The following ESR1 variants were observed in gnomAD, a reference collection of about 807,000 sequenced individuals.
ESR1 encodes estrogen receptor 1, also known as estrogen receptor.
Under a neutral mutation model 52.7 loss-of-function variants are expected in ESR1, and 12 were observed. The ratio of observed to expected loss-of-function variants is 0.23; its 90% confidence interval spans 0.15 to 0.37. ESR1 has a LOEUF of 0.37. Ranked by LOEUF, ESR1 falls within the 10% of genes least tolerant of loss-of-function variation. The pLI, the probability that ESR1 is intolerant of heterozygous loss-of-function variation, is 1.00. For synonymous variants in ESR1, 305 were observed against 316.8 expected (o/e 0.96, Z 0.39); for missense variants, 584 against 779.7 (o/e 0.75, Z 2.99).
At chr6:152,078,280 A>G (rs557865751) in intron 6 of ESR1, among the ~76,000 whole-genome samples, 1 of 152,308 alleles carries the variant, frequency 6.6e-6, no homozygotes, top group African/African-American at 2.4e-5. Flanking sequence ...ATAAGGAAGA[A>G]GTATACTTGC....
upstream of ESR1, chr6:151,805,233 TG>T (rs1254376089): frequency 6.6e-6 from 1 of 152,270 alleles, no homozygotes; most frequent in African/African-American, 2.4e-5. Flanking sequence ...GTTCAGAGAC[TG>T]GGGGCTAGGG....
chr6:152,125,246 A>T, intron 6 of ESR1: 1 of 1,549,288 alleles, frequency 6.5e-7, no homozygotes, highest in African/African-American at 1.4e-5. Context: ...ATGGTAATTC[A>T]GGTCGTATTC....
At chr6:151,838,491 A>T (rs9383593) in intron 1 of ESR1, among the ~76,000 whole-genome samples, 70,568 of 151,932 alleles carry the variant, frequency 0.46, 16,723 homozygotes, top group African/African-American at 0.54. Context: ...CTGCCCATGG[A>T]TGGGCTGTGT....
At chr6:151,801,302 T>A (rs2128142387), upstream of ESR1, among the ~76,000 whole-genome samples, 3 of 152,324 alleles carry the variant, frequency 2.0e-5, 1 homozygote, top group South Asian at 6.2e-4. Context: ...ACTTTCTACA[T>A]TGTCTTCTAT....
At chr6:151,905,445 C>T (rs1360128061) in intron 3 of ESR1, among the ~76,000 whole-genome samples, 3 of 152,088 alleles carry the variant, frequency 2.0e-5, no homozygotes, top group Non-Finnish European at 2.9e-5. Context: ...TTCTAAATTA[C>T]ATGAAGAGCT....
intron 1 of ESR1, among the ~76,000 whole-genome samples, chr6:151,821,407 C>A (rs1189762142): frequency 1.3e-5 from 2 of 152,180 alleles, no homozygotes; most frequent in South Asian, 4.1e-4. Flanking sequence ...TTTGTCGAGT[C>A]GGTGTTAGTT....
intron 1 of ESR1, among the ~76,000 whole-genome samples, chr6:151,816,489 A>G (rs953022571): frequency 1.3e-5 from 2 of 152,218 alleles, no homozygotes; most frequent in Non-Finnish European, 2.9e-5. Flanking sequence ...CCTGGCACAT[A>G]ACAAGTCATT....
intron 1 of ESR1, among the ~76,000 whole-genome samples, chr6:151,830,677 C>T (rs149136993): frequency 4.6e-5 from 7 of 152,190 alleles, no homozygotes; most frequent in Non-Finnish European, 8.8e-5. Context: ...TAGTAACTGA[C>T]AAAAGATAAA....
intron 4 of ESR1, among the ~76,000 whole-genome samples, chr6:152,007,139 C>CT (rs2042395824): frequency 1.3e-5 from 2 of 151,990 alleles, no homozygotes; most frequent in Admixed American, 1.3e-4. Flanking sequence ...TTCTAAGAGC[C>CT]TTGCCACACT....
At chr6:151,910,113 G>A (rs547904863) in intron 3 of ESR1, among the ~76,000 whole-genome samples, 1 of 151,490 alleles carries the variant, frequency 6.6e-6, no homozygotes, top group Admixed American at 6.6e-5. Context: ...GTGTGACACT[G>A]TCTGATAGAA....
chr6:151,700,258 A>G (rs1779670114), intron 1 of ESR1, among the ~76,000 whole-genome samples: 1 of 152,132 alleles, frequency 6.6e-6, no homozygotes, highest in Non-Finnish European at 1.5e-5. Flanking sequence ...TACATGGAGA[A>G]AACAAGTCTT....
intron 4 of ESR1, among the ~76,000 whole-genome samples, chr6:152,010,385 A>G (rs1299143747): frequency 6.6e-6 from 1 of 152,074 alleles, no homozygotes; most frequent in Admixed American, 6.6e-5. Flanking sequence ...TTCATGAGAG[A>G]AAAAGAAAAG....
At chr6:151,960,976 A>G (rs1584489580) in intron 4 of ESR1, among the ~76,000 whole-genome samples, 1 of 152,332 alleles carries the variant, frequency 6.6e-6, no homozygotes, top group East Asian at 1.9e-4. Flanking sequence ...GTCCTGAACA[A>G]TGATAAAAGT....
At chr6:151,884,309 T>C (rs1330277052) in intron 3 of ESR1, among the ~76,000 whole-genome samples, 1 of 152,218 alleles carries the variant, frequency 6.6e-6, no homozygotes, top group Admixed American at 6.5e-5. Flanking sequence ...TCCCATTGAA[T>C]AAAGCCTTAA....
rs535300778 is a variant in ESR1 at position 152,093,249 on chromosome 6, T to C, written c.1370-1136T>C. 2.7e-5 allele frequency among the ~76,000 whole-genome samples: 4 copies of C among 147,480 alleles called. No homozygotes were observed. The South Asian group carries it at 8.6e-4, about 32-fold the overall frequency. ...TGAGATGTGCCACTGCACTCCAGCC[T>C]GGGCGGCAGAGTGAGACTCTGTCTC... On this transcript the variant is annotated intron_variant, in intron 6 of 7. Coordinates refer to ENST00000206249, the MANE Select transcript of ESR1 (RefSeq NM_000125.4).
At chr6:151,764,171 C>T (rs975315906) in intron 2 of ESR1, among the ~76,000 whole-genome samples, 3 of 152,150 alleles carry the variant, frequency 2.0e-5, no homozygotes, top group Non-Finnish European at 4.4e-5. Context: ...ACTTTCAATG[C>T]TAAAACTGGG....
chr6:152,097,181 C>A (rs1460866742), intron 7 of ESR1, among the ~76,000 whole-genome samples: 2 of 151,640 alleles, frequency 1.3e-5, no homozygotes, highest in Non-Finnish European at 2.9e-5. Context: ...CACACACATA[C>A]ACACACACAC....
intron 3 of ESR1, among the ~76,000 whole-genome samples, chr6:151,887,899 G>A (rs898579352): frequency 3.9e-5 from 6 of 151,986 alleles, no homozygotes; most frequent in African/African-American, 7.3e-5. Context: ...TTCATTGTTC[G>A]GTGTGTAGAT....
intron 4 of ESR1, among the ~76,000 whole-genome samples, chr6:151,960,845 A>G (rs1461635958): frequency 1.3e-5 from 2 of 152,180 alleles, no homozygotes; most frequent in Non-Finnish European, 2.9e-5. Flanking sequence ...AAGGGTGGTA[A>G]TGGAGACATG....
Sources: gnomAD v4.1 joint callset for allele counts (sites outside exome capture counted in the v4.1 genomes callset) on GRCh38, gnomAD v4.1.1 for gene constraint, MANE v1.5 for transcripts, NCBI Gene and HGNC (gene_info 2026-07-23, HGNC 2026-07-21) for gene names.